The following CDH6 variants were observed in gnomAD, a reference collection of about 807,000 sequenced individuals.
CDH6 encodes cadherin 6, also known as cadherin-6.
Under a neutral mutation model 78.0 loss-of-function variants are expected in CDH6, and 31 were observed. The ratio of observed to expected loss-of-function variants is 0.40; its 90% CI spans 0.30 to 0.54. The LOEUF (loss-of-function observed/expected upper bound fraction) is 0.54, where lower values mean the gene tolerates loss of function less well. Ranked by LOEUF, CDH6 falls within the 20% of genes least tolerant of loss-of-function variation. The pLI, the probability that CDH6 is intolerant of heterozygous loss-of-function variation, is 0.56. For synonymous variants in CDH6, 376 were observed against 368.8 expected (o/e 1.02, Z -0.23); for missense variants, 724 against 975.9 (o/e 0.74, Z 3.44).
At chr5:31,238,509 T>C (rs991893960) in intron 1 of CDH6, among the ~76,000 whole-genome samples, 7 of 152,224 alleles carry the variant, frequency 4.6e-5, no homozygotes, top group African/African-American at 1.4e-4. Context: ...CTAAATTGTT[T>C]TTTTCTTCTT....
In CDH6 at chr5:31,251,145, G is replaced by A. The variant is rs115274007; in HGVS notation, c.-128-16201G>A. 6.4e-3 allele frequency: 981 copies of A among 152,368 alleles called. 2 individuals carry two copies. Among genetic ancestry groups the A allele is most frequent in the Non-Finnish European group, 0.011 (723 of 68,070 alleles). The allele number at this position is 152,368 out of a possible 1,614,324, so 9.4% of individuals were successfully genotyped here. On this transcript the variant is annotated intron_variant, in intron 1 of 11. Coordinates refer to ENST00000265071, the MANE Select transcript of CDH6 (RefSeq NM_004932.4). ...CTGTGTTTGGCAGCAAGACCAATGC[G>A]AGAAAAAGCACCAAACACTTAGAAA...
intron 1 of CDH6, among the ~76,000 whole-genome samples, chr5:31,214,001 C>G (rs111851461): frequency 6.6e-6 from 1 of 152,134 alleles, no homozygotes; most frequent in Non-Finnish European, 1.5e-5. Context: ...TCCGAGGCTT[C>G]TACTTTGTAA....
chr5:31,309,146 C>T (rs1738079142), intron 7 of CDH6, among the ~76,000 whole-genome samples: 1 of 152,016 alleles, frequency 6.6e-6, no homozygotes, highest in African/African-American at 2.4e-5. Context: ...ATAATAAAAA[C>T]ATAAGTTTAT....
chr5:31,235,236 C>CTTTTTTTTTTTTTTT (rs543675071), intron 1 of CDH6, among the ~76,000 whole-genome samples: 57 of 110,638 alleles, frequency 5.2e-4, no homozygotes, highest in African/African-American at 9.6e-4. Flanking sequence ...ATTCCTTTTT[C>CTTTTTTTTTTTTTTT]TTTTTTTTTT....
At chr5:31,257,545 C>G (rs1424437129) in intron 1 of CDH6, among the ~76,000 whole-genome samples, 1 of 152,228 alleles carries the variant, frequency 6.6e-6, no homozygotes, top group African/African-American at 2.4e-5. Flanking sequence ...ACGCATTCAT[C>G]TATACATTTG....
At chr5:31,314,439 TG>T (rs1445806803) in intron 8 of CDH6, among the ~76,000 whole-genome samples, 2 of 151,726 alleles carry the variant, frequency 1.3e-5, no homozygotes, top group Non-Finnish European at 2.9e-5. Flanking sequence ...GGGTATCTAG[TG>T]TGAAATAGTC....
At chr5:31,210,747 T>C (rs951545412) in intron 1 of CDH6, among the ~76,000 whole-genome samples, 4 of 152,194 alleles carry the variant, frequency 2.6e-5, no homozygotes, top group African/African-American at 9.6e-5. Context: ...TAATACACTA[T>C]CAATGCAATG....
Position 31,283,824 on chromosome 5 carries a change from A to AT in CDH6, c.229-10130dup, listed in dbSNP as rs58552142. Among the ~76,000 whole-genome samples, 58 of 142,108 alleles carry AT rather than the reference A, an allele frequency of 4.1e-4. 2 individuals carry two copies. The highest frequency in any genetic ancestry group is 1.1e-3 in the African/African-American group (44 of 39,932). The allele number at this position is 142,108 out of a possible 152,430, so 93.2% of individuals were successfully genotyped here. On this transcript the variant is annotated intron_variant, in intron 2 of 11. Transcript: ENST00000265071. ...ATTTTCTAGATTCTCTCTTTTTTTTATTTTTTTTAAGATGGAGTCTCACTC... is the reference window on the plus strand; with the variant it reads ...ATTTTCTAGATTCTCTCTTTTTTTTATTTTTTTTTAAGATGGAGTCTCACTC...
intron 1 of CDH6, among the ~76,000 whole-genome samples, chr5:31,219,450 CT>C (rs1054333770): frequency 1.3e-5 from 2 of 152,074 alleles, no homozygotes; most frequent in African/African-American, 4.8e-5. Flanking sequence ...CACTTTTGCT[CT>C]TGCCATTCCT....
At chr5:31,259,955 A>G (rs1271407934) in intron 1 of CDH6, among the ~76,000 whole-genome samples, 1 of 152,232 alleles carries the variant, frequency 6.6e-6, no homozygotes, top group Non-Finnish European at 1.5e-5. Flanking sequence ...CACTCCAGAA[A>G]TAAAGGCCAC....
At chr5:31,252,318 ATG>A (rs34343937) in intron 1 of CDH6, among the ~76,000 whole-genome samples, 2 of 100,982 alleles carry the variant, frequency 2.0e-5, no homozygotes, top group Non-Finnish European at 4.2e-5. Context: ...AAGGTGTATT[ATG>A]TGTGTGTGGT....
At chr5:31,321,121 C>T (rs956130287) in intron 11 of CDH6, among the ~76,000 whole-genome samples, 3 of 152,158 alleles carry the variant, frequency 2.0e-5, no homozygotes, top group African/African-American at 4.8e-5. Flanking sequence ...TTATTTACTA[C>T]ACACATTGTT....
At chr5:31,283,657 A>G (rs1486107287) in intron 2 of CDH6, among the ~76,000 whole-genome samples, 1 of 152,148 alleles carries the variant, frequency 6.6e-6, no homozygotes, top group East Asian at 1.9e-4. Context: ...TAAAATATTT[A>G]CACCATTATA....
chr5:31,270,349 TTAA>T (rs1398813529), intron 2 of CDH6, among the ~76,000 whole-genome samples: 5 of 152,236 alleles, frequency 3.3e-5, no homozygotes, highest in Non-Finnish European at 7.3e-5. Context: ...TTCTAACAAC[TTAA>T]TAATTATTTG....
At chr5:31,296,856 C>T (rs372539710) in intron 3 of CDH6, among the ~76,000 whole-genome samples, 7 of 152,058 alleles carry the variant, frequency 4.6e-5, no homozygotes, top group African/African-American at 9.7e-5. Context: ...CAGCACATTA[C>T]GGTCCAAGAA....
intron 1 of CDH6, among the ~76,000 whole-genome samples, chr5:31,254,261 C>T (rs921006538): frequency 1.1e-4 from 17 of 152,098 alleles, no homozygotes; most frequent in African/African-American, 3.4e-4. Context: ...AGTAGTGATA[C>T]CAGCCATTTG....
intron 1 of CDH6, among the ~76,000 whole-genome samples, chr5:31,266,522 A>G (rs1004791501): frequency 6.6e-6 from 1 of 152,230 alleles, no homozygotes; most frequent in Non-Finnish European, 1.5e-5. Context: ...GATAAAGTTT[A>G]GGATTTCCTA....
chr5:31,311,000 G>A (rs570916671), intron 7 of CDH6, among the ~76,000 whole-genome samples: 128 of 152,246 alleles, frequency 8.4e-4, no homozygotes, highest in African/African-American at 2.3e-3. Flanking sequence ...ATTAACATTC[G>A]GCTCCTCTTT....
rs796740950 is a variant in CDH6 at position 31,199,685 on chromosome 5, G to GTGTATATATATATA, written c.-129+5800_-129+5801insGTATATATATATAT. 8.3e-3 allele frequency among the ~76,000 whole-genome samples: 661 copies of GTGTATATATATATA among 79,736 alleles called. 8 individuals are homozygous for GTGTATATATATATA. Among genetic ancestry groups the GTGTATATATATATA allele is most frequent in the Middle Eastern group, 0.029 (3 of 102 alleles). 52.3% of individuals were successfully genotyped at this position (79,736 alleles called of 152,430 possible). On this transcript the variant is annotated intron_variant, in intron 1 of 11. Transcript: ENST00000265071. ...TGTGTGTGTATGTGTGTGTGTGTGTGTATATATATATATATATATATATAT... is the reference window on the plus strand; with the variant it reads ...TGTGTGTGTATGTGTGTGTGTGTGTGTGTATATATATATATATATATATATATATATATATATAT...
Sources: gnomAD v4.1 joint callset for allele counts (sites outside exome capture counted in the v4.1 genomes callset) on GRCh38, gnomAD v4.1.1 for gene constraint, MANE v1.5 for transcripts, NCBI Gene and HGNC (gene_info 2026-07-23, HGNC 2026-07-21) for gene names.